The following THOC5 variants were observed in gnomAD, a reference collection of about 807,000 sequenced individuals.
THOC5 encodes THO complex subunit 5, also known as Fms-interacting protein.
Under a neutral mutation model 92.9 loss-of-function variants are expected in THOC5, and 43 were observed. The observed-to-expected ratio is 0.46, with a 90% CI of 0.36 to 0.60. THOC5 has a LOEUF of 0.60. Among genes scored for constraint, THOC5 ranks in the 20% least tolerant of loss-of-function variants. THOC5 has a pLI of 0.00. For missense variants in THOC5, 659 were observed against 849.4 expected (o/e 0.78, Z 2.79); for synonymous variants, 296 against 320.1 (o/e 0.92, Z 0.80).
intron 1 of THOC5, chr22:29,550,692 A>G (rs886131279): frequency 2.6e-5 from 4 of 152,152 alleles, no homozygotes; most frequent in African/African-American, 9.7e-5. Context: ...TCTGGGTCTG[A>G]TTCCTCACAA....
chr22:29,519,900 C>T, intron 14 of THOC5, 108 bp downstream of exon 14: 4 of 782,006 alleles, frequency 5.1e-6, no homozygotes, highest in Non-Finnish European at 5.8e-6. Context: ...TCCCAAAGTA[C>T]AAGGATTATA....
intron 18 of THOC5, among the ~76,000 whole-genome samples, chr22:29,511,687 A>G (rs1224739589): frequency 6.6e-6 from 1 of 152,282 alleles, no homozygotes; most frequent in Non-Finnish European, 1.5e-5. Flanking sequence ...TAACAACTGC[A>G]GTGATGTCAT....
At position 29,543,458 on chromosome 22, in the gene THOC5, A is replaced by G. The variant is rs757303255; in HGVS notation, c.325T>C (p.Leu109=). Residue 109 remains leucine (L), a synonymous_variant, in exon 4 of 20, where the codon TTG becomes CTG. Coordinates refer to ENST00000490103, the MANE Select transcript of THOC5 (RefSeq NM_003678.5). The part of the protein sequence containing the change: ...KKLNRLAHIR[L]KKGRDQTHEA... ...TGGGTCTGATCTCTTCCTTTCTTCA[A>G]CCTGATGTGGGCTAATCGGTTAAGC... 6.2e-7 allele frequency: 1 copy of G among 1,614,004 alleles called. No homozygotes were observed. The highest frequency in any genetic ancestry group is 1.7e-5 in the Admixed American group (1 of 59,998).
chr22:29,539,625 G>A, intron 5 of THOC5, 149 bp from the exon 6 acceptor site: 1 of 825,096 alleles, frequency 1.2e-6, no homozygotes, highest in South Asian at 2.0e-5. Flanking sequence ...CTCATTAGCA[G>A]ATATTTCAGT....
chr22:29,529,327 C>T, intron 8 of THOC5, 88 bp from the exon 9 acceptor site: 2 of 1,324,104 alleles, frequency 1.5e-6, no homozygotes, highest in South Asian at 1.2e-5. Context: ...CTGCATTTCT[C>T]CCACCTCTGC....
intron 3 of THOC5, among the ~76,000 whole-genome samples, chr22:29,543,869 A>G (rs2063955479): frequency 6.6e-6 from 1 of 152,172 alleles, no homozygotes. Context: ...TGACCTCTAT[A>G]AATAACATTA....
chr22:29,548,653 G>C (rs900640407), intron 2 of THOC5, among the ~76,000 whole-genome samples: 21 of 152,110 alleles, frequency 1.4e-4, no homozygotes, highest in African/African-American at 5.1e-4. Context: ...ACGACCACAT[G>C]AGCTCTCAGG....
chr22:29,528,495 GGT>G, intron 9 of THOC5, 29 bp from the exon 10 acceptor site: 1 of 1,603,272 alleles, frequency 6.2e-7, no homozygotes, highest in African/African-American at 1.5e-5. Context: ...GGCAGCTAGA[GGT>G]GAGGGGGCTC....
intron 3 of THOC5, among the ~76,000 whole-genome samples, chr22:29,543,804 T>C (rs1462002667): frequency 2.0e-5 from 3 of 152,142 alleles, no homozygotes; most frequent in Non-Finnish European, 4.4e-5. Flanking sequence ...GCACAATCTA[T>C]CTCTACAGAT....
intron 2 of THOC5, among the ~76,000 whole-genome samples, chr22:29,546,084 G>A (rs912290073): frequency 6.6e-6 from 1 of 152,226 alleles, no homozygotes; most frequent in Admixed American, 6.5e-5. Flanking sequence ...ACACCACTTG[G>A]AAGCTGCCAA....
Position 29,520,089 on chromosome 22 carries a change from G to T in THOC5, c.1293C>A (p.Ser431Arg). Residue 431 changes from serine to arginine, a missense_variant, in exon 14 of 20, where the codon AGC becomes AGA. Ser to Arg is a moderately radical substitution (Grantham distance 110). Transcript: ENST00000490103. ...QFDKVGILTL[S>R]DYVLELGHPY... The stretch of plus-strand genomic sequence containing the variant: ...GGTGACCTAGCTCAAGTACATAGTC[G>T]CTCAAAGTCAGGATGCTGCAGAAAA... 1 of 1,613,472 alleles carries T rather than the reference G, an allele frequency of 6.2e-7. No homozygotes were observed. Among genetic ancestry groups the T allele is most frequent in the Non-Finnish European group, 8.5e-7 (1 of 1,179,656 alleles).
At chr22:29,530,919 T>C (rs1482547787) in intron 8 of THOC5, among the ~76,000 whole-genome samples, 2 of 152,160 alleles carry the variant, frequency 1.3e-5, no homozygotes, top group Non-Finnish European at 2.9e-5. Context: ...ATGGCAACCC[T>C]ATGTGAATCA....
chr22:29,540,035 C>G (rs2063846187), intron 5 of THOC5, among the ~76,000 whole-genome samples: 1 of 152,100 alleles, frequency 6.6e-6, no homozygotes, highest in African/African-American at 2.4e-5. Flanking sequence ...ATCCCAGCAC[C>G]TTGGGAGGCC....
chr22:29,514,417 C>T (rs561401663), intron 17 of THOC5, among the ~76,000 whole-genome samples: 25 of 148,772 alleles, frequency 1.7e-4, no homozygotes, highest in African/African-American at 2.7e-4. Context: ...CCCGGGTTCA[C>T]GCCATTCTCC....
intron 17 of THOC5, among the ~76,000 whole-genome samples, chr22:29,515,516 T>C (rs2063317121): frequency 6.6e-6 from 1 of 152,054 alleles, no homozygotes; most frequent in Non-Finnish European, 1.5e-5. Context: ...GCCTGTACTT[T>C]ATGTTGTTTA....
At chr22:29,525,559 CA>C (rs762750860) in intron 12 of THOC5, among the ~76,000 whole-genome samples, 3 of 152,188 alleles carry the variant, frequency 2.0e-5, no homozygotes, top group Non-Finnish European at 4.4e-5. Context: ...CCACTGGTAG[CA>C]AAAAGCTGGT....
chr22:29,539,950 A>C (rs1354547815), intron 5 of THOC5, among the ~76,000 whole-genome samples: 1 of 152,226 alleles, frequency 6.6e-6, no homozygotes, highest in Non-Finnish European at 1.5e-5. Context: ...CTAGAGGCTT[A>C]AACCGTTGCA....
intron 2 of THOC5, among the ~76,000 whole-genome samples, chr22:29,548,765 T>C (rs2064080713): frequency 6.6e-6 from 1 of 152,172 alleles, no homozygotes; most frequent in Non-Finnish European, 1.5e-5. Context: ...GACTACCTTC[T>C]TCTGACCATC....
chr22:29,529,104 A>AGATG, intron 9 of THOC5, 58 bp downstream of exon 9: 1 of 1,543,202 alleles, frequency 6.5e-7, no homozygotes, highest in Non-Finnish European at 9.0e-7. Flanking sequence ...AAAGACCAGG[A>AGATG]CTGCCCTTGG....
Sources: allele counts gnomAD v4.1 joint callset (sites outside exome capture counted in the v4.1 genomes callset), GRCh38; gene constraint gnomAD v4.1.1; transcripts MANE v1.5; gene names NCBI Gene and HGNC (gene_info 2026-07-23, HGNC 2026-07-21).